The following IL1RAPL1 variants were observed in gnomAD, a reference collection of about 807,000 sequenced individuals.
The protein encoded by IL1RAPL1 is interleukin 1 receptor accessory protein like 1.
Under a neutral mutation model 48.4 loss-of-function variants are expected in IL1RAPL1, and 3 were observed. The ratio of observed to expected loss-of-function variants is 0.06; its 90% CI spans 0.03 to 0.16. The LOEUF (loss-of-function observed/expected upper bound fraction) is 0.16. IL1RAPL1 is among the 10% of genes least tolerant of loss of function. IL1RAPL1 has a pLI of 1.00. For missense variants in IL1RAPL1, 349 were observed against 530.6 expected (o/e 0.66, Z 3.36); for synonymous variants, 185 against 187.7 (o/e 0.99, Z 0.12).
chrX:29,845,715 C>T (rs1260943004), intron 6 of IL1RAPL1, among the ~76,000 whole-genome samples: 1 of 111,102 alleles, frequency 9.0e-6, no homozygotes, highest in Admixed American at 9.6e-5. Flanking sequence ...TAAAGAAATA[C>T]CTGAGAGTGG....
chrX:29,250,346 TTGAG>T (rs1402297865), intron 2 of IL1RAPL1, among the ~76,000 whole-genome samples: 1 of 112,148 alleles, frequency 8.9e-6, no homozygotes, highest in Non-Finnish European at 1.9e-5. Flanking sequence ...GTTAATGAAC[TTGAG>T]TGAGTAGGAT....
At chrX:29,492,655 T>C (rs1935170930) in intron 5 of IL1RAPL1, among the ~76,000 whole-genome samples, 1 of 112,078 alleles carries the variant, frequency 8.9e-6, no homozygotes, top group Non-Finnish European at 1.9e-5. Context: ...CTTTAAAGAC[T>C]CATGTGATCA....
intron 1 of IL1RAPL1, among the ~76,000 whole-genome samples, chrX:28,715,446 A>G (rs1294825368): frequency 8.9e-6 from 1 of 112,142 alleles, no homozygotes; most frequent in Non-Finnish European, 1.9e-5. Context: ...AAAAAGTTAG[A>G]AAGATCTCAA....
intron 6 of IL1RAPL1, among the ~76,000 whole-genome samples, chrX:29,738,075 T>G (rs1293993458): frequency 8.9e-6 from 1 of 112,436 alleles, no homozygotes; most frequent in Non-Finnish European, 1.9e-5. Context: ...TTTAGCCTAC[T>G]TCTAGGCAAG....
At chrX:28,697,665 A>T (rs906159842) in intron 1 of IL1RAPL1, among the ~76,000 whole-genome samples, 4 of 111,648 alleles carry the variant, frequency 3.6e-5, no homozygotes, top group African/African-American at 9.7e-5. Context: ...CCCTCTTTTT[A>T]TAGATACAAA....
At chrX:28,642,690 T>A (rs1454515596) in intron 1 of IL1RAPL1, among the ~76,000 whole-genome samples, 2 of 111,494 alleles carry the variant, frequency 1.8e-5, no homozygotes, top group African/African-American at 6.5e-5. Flanking sequence ...GCACTAAATG[T>A]CCACAGGAGA....
At chrX:29,488,447 A>G (rs957360077) in intron 5 of IL1RAPL1, among the ~76,000 whole-genome samples, 1 of 112,049 alleles carries the variant, frequency 8.9e-6, no homozygotes, top group Non-Finnish European at 1.9e-5. Context: ...AACAACAACA[A>G]CAACAAAAAA....
At chrX:29,179,654 A>G (rs774671170) in intron 2 of IL1RAPL1, among the ~76,000 whole-genome samples, 6 of 112,009 alleles carry the variant, frequency 5.4e-5, no homozygotes, top group African/African-American at 1.6e-4. Flanking sequence ...ACTCTAAGTA[A>G]AGCTTTGGTA....
chrX:29,342,112 T>TTGTGTGTGTG (rs753779178), intron 3 of IL1RAPL1, among the ~76,000 whole-genome samples: 12 of 87,682 alleles, frequency 1.4e-4, no homozygotes, highest in African/African-American at 1.7e-4. Context: ...CGGCCTTGTT[T>TTGTGTGTGTG]TGTGTGTGTG....
chrX:29,720,565 G>T (rs1471299302), intron 6 of IL1RAPL1, among the ~76,000 whole-genome samples: 2 of 110,504 alleles, frequency 1.8e-5, no homozygotes, highest in Non-Finnish European at 3.8e-5. Context: ...AGAACACATG[G>T]ACACAGGGAG....
intron 6 of IL1RAPL1, among the ~76,000 whole-genome samples, chrX:29,766,023 A>T (rs1350090052): frequency 9.1e-6 from 1 of 110,236 alleles, no homozygotes; most frequent in African/African-American, 3.3e-5. Context: ...GAACTAAAAA[A>T]ATATAAATTT....
chrX:29,445,363 C>T (rs990094643), intron 5 of IL1RAPL1, among the ~76,000 whole-genome samples: 6 of 111,682 alleles, frequency 5.4e-5, no homozygotes, highest in African/African-American at 2.0e-4. Flanking sequence ...TATAGATTCA[C>T]TCCCAGGGAG....
chrX:29,715,032 C>T (rs958984222), intron 6 of IL1RAPL1, among the ~76,000 whole-genome samples: 1 of 111,998 alleles, frequency 8.9e-6, no homozygotes, highest in Non-Finnish European at 1.9e-5. Flanking sequence ...TCCTCATATA[C>T]CTCGGGGCAT....
intron 3 of IL1RAPL1, among the ~76,000 whole-genome samples, chrX:29,304,489 T>G (rs1932587082): frequency 8.9e-6 from 1 of 112,390 alleles, no homozygotes; most frequent in Admixed American, 9.4e-5. Context: ...CTTCCTCAGA[T>G]AATTCAAGTT....
intron 2 of IL1RAPL1, among the ~76,000 whole-genome samples, chrX:29,242,905 C>A (rs1295910391): frequency 1.8e-5 from 2 of 112,113 alleles, no homozygotes; most frequent in Non-Finnish European, 3.8e-5. Flanking sequence ...GTGTGAATAA[C>A]AACCTCATTT....
Position 29,106,876 on chromosome X carries a change from GT to G in IL1RAPL1, c.83-176059del, listed in dbSNP as rs771532714. ...CTTTTCTTTGATTTTTTGTTTGTTT[GT>G]TTGAAACACGTATTTGCCACTGTTC... On this transcript the variant is annotated intron_variant, in intron 2 of 10. Transcript: ENST00000378993. Among the ~76,000 whole-genome samples the G allele has an allele frequency of 1.6e-4, 18 of 109,845 alleles. 1 individual carries two copies. The highest frequency in any genetic ancestry group is 3.2e-4 in the Non-Finnish European group (17 of 52,547).
At chrX:29,875,200 A>G (rs1487115607) in intron 6 of IL1RAPL1, among the ~76,000 whole-genome samples, 1 of 111,414 alleles carries the variant, frequency 9.0e-6, no homozygotes, top group Admixed American at 9.6e-5. Flanking sequence ...CTCCTCAGAG[A>G]TTTCTGGAAG....
chrX:29,256,864 A>G (rs760508936), intron 2 of IL1RAPL1, among the ~76,000 whole-genome samples: 23 of 111,382 alleles, frequency 2.1e-4, no homozygotes, highest in Non-Finnish European at 3.8e-4. Context: ...TAAAATGTGC[A>G]TTTTGCATTG....
chrX:29,272,528 A>G (rs185816405), intron 2 of IL1RAPL1, among the ~76,000 whole-genome samples: 1 of 111,362 alleles, frequency 9.0e-6, no homozygotes, highest in East Asian at 2.8e-4. Flanking sequence ...GTCTACTGTT[A>G]GCCTCACGGG....
Sources: allele counts gnomAD v4.1 joint callset (sites outside exome capture counted in the v4.1 genomes callset), GRCh38; gene constraint gnomAD v4.1.1; transcripts MANE v1.5; gene names NCBI Gene and HGNC (gene_info 2026-07-23, HGNC 2026-07-21).